Variants in STPG1 observed in about 807,000 individuals in gnomAD.
STPG1 encodes O(6)-methylguanine-induced apoptosis 2.
Under a neutral mutation model 40.1 loss-of-function variants are expected in STPG1, and 33 were observed. The observed-to-expected ratio is 0.82, with a 90% CI of 0.62 to 1.10. STPG1 has a LOEUF of 1.10. Among genes scored for constraint, STPG1 ranks in the 50% least tolerant of loss-of-function variants. The pLI is 0.00. For synonymous variants in STPG1, 150 were observed against 155.0 expected, an observed-to-expected ratio of 0.97 and a Z score of 0.24; for missense variants, 396 against 415.1, an observed-to-expected ratio of 0.95 and a Z score of 0.40.
At chr1:24,388,392 T>C (rs1387986804) in intron 3 of STPG1, among the ~76,000 whole-genome samples, 1 of 152,172 alleles carries the variant, frequency 6.6e-6, no homozygotes, top group African/African-American at 2.4e-5. Flanking sequence ...CATCTGTAAA[T>C]AACTCGAAAA....
intron 2 of STPG1, among the ~76,000 whole-genome samples, chr1:24,394,438 T>C (rs1312565314): frequency 2.0e-5 from 3 of 152,066 alleles, no homozygotes; most frequent in Admixed American, 6.6e-5. Context: ...ATACCTGGCA[T>C]TGATAAAAAA....
At chr1:24,395,533 C>T (rs893981393) in intron 2 of STPG1, among the ~76,000 whole-genome samples, 18 of 150,732 alleles carry the variant, frequency 1.2e-4, no homozygotes, top group Non-Finnish European at 2.4e-4. Context: ...CCCGGGTTCA[C>T]GCCATTCTCC....
chr1:24,388,294 C>T lies in STPG1; in HGVS notation c.189+3267G>A, dbSNP rs566893449. Among the ~76,000 whole-genome samples, 58 of 152,208 alleles carry T rather than the reference C, an allele frequency of 3.8e-4. 1 individual carries two copies. The highest frequency in any genetic ancestry group is 3.4e-3 in the Middle Eastern group (1 of 294). On this transcript the variant is annotated intron_variant, in intron 3 of 8. Coordinates refer to ENST00000337248, the MANE Select transcript of STPG1 (RefSeq NM_001199013.2). ...TGAAGTGGAGACAGAAACAGGGAGG[C>T]GGGGGTAGAAAATGGCCGGCAGGCT...
In STPG1 at chr1:24,360,546, T is replaced by C. The variant is rs189881260; in HGVS notation, c.928+305A>G. 2.4e-4 allele frequency among the ~76,000 whole-genome samples: 37 copies of C among 152,328 alleles called. No individual in the cohort carries two copies. The East Asian group carries it at 3.1e-3, about 13-fold the overall frequency. On this transcript the variant is annotated intron_variant, in intron 8 of 8. Transcript: ENST00000337248. ...CTCCTTTCCCAGAAAATAATGTCTA[T>C]ATGTGCCAATTCTTCAGCCAACTGC...
In STPG1 at chr1:24,363,595, A is replaced by G. The variant is rs1028621197; in HGVS notation, c.738-2554T>C. On this transcript the variant is annotated intron_variant, in intron 7 of 8. Coordinates refer to ENST00000337248, the MANE Select transcript of STPG1 (RefSeq NM_001199013.2). ...TCATCTGTAAAACAGTGGAAATAAT[A>G]CCTACTACCCAGATTGTTAGGAAGA... 3.9e-5 allele frequency among the ~76,000 whole-genome samples: 6 copies of G among 152,300 alleles called. No homozygotes were observed. The East Asian group carries it at 1.2e-3, about 29-fold the overall frequency.
chr1:24,411,153 T>C (rs566298939), intron 1 of STPG1, among the ~76,000 whole-genome samples: 1 of 152,344 alleles, frequency 6.6e-6, no homozygotes, highest in Admixed American at 6.5e-5. Context: ...CTATCATTTA[T>C]TGAGCCTGCA....
intron 6 of STPG1, among the ~76,000 whole-genome samples, chr1:24,371,049 G>A (rs1482994646): frequency 6.6e-6 from 1 of 152,096 alleles, no homozygotes; most frequent in African/African-American, 2.4e-5. Flanking sequence ...TGTGTACAAA[G>A]CTTTAAGGAA....
chr1:24,407,380 A>G (rs1643451923), intron 1 of STPG1, among the ~76,000 whole-genome samples: 1 of 151,242 alleles, frequency 6.6e-6, no homozygotes. Flanking sequence ...CAATATTTTT[A>G]AGTCTCTTTT....
chr1:24,361,858 G>A (rs567761951), intron 7 of STPG1, among the ~76,000 whole-genome samples: 1 of 152,296 alleles, frequency 6.6e-6, no homozygotes, highest in South Asian at 2.1e-4. Context: ...TAAAAGGAAG[G>A]GGTTGGACAA....
intron 3 of STPG1, 53 bp downstream of exon 3, chr1:24,391,508 G>GC: frequency 3.4e-6 from 4 of 1,179,048 alleles, no homozygotes; most frequent in Non-Finnish European, 4.9e-6. Context: ...TGCCTGTCCC[G>GC]CAAGGCTAAA....
chr1:24,408,285 G>C (rs1443156211), intron 1 of STPG1, among the ~76,000 whole-genome samples: 1 of 152,162 alleles, frequency 6.6e-6, no homozygotes, highest in African/African-American at 2.4e-5. Flanking sequence ...TCTGGTTTAT[G>C]GTAACATGCA....
intron 3 of STPG1, among the ~76,000 whole-genome samples, chr1:24,385,679 T>C (rs2244762): frequency 0.36 from 54,514 of 152,016 alleles, 9,926 homozygotes; most frequent in African/African-American, 0.4. Flanking sequence ...AACCGAGGCA[T>C]TCTGACCACA....
chr1:24,391,919 A>G (rs1642790626), intron 2 of STPG1: 1 of 1,242,548 alleles, frequency 8.0e-7, no homozygotes, highest in Non-Finnish European at 1.0e-6. Flanking sequence ...GGTCACATAA[A>G]GTACCTTAAA....
intron 6 of STPG1, 36 bp downstream of exon 6, chr1:24,373,666 C>T: frequency 2.1e-6 from 3 of 1,420,326 alleles, no homozygotes; most frequent in Non-Finnish European, 3.0e-6. Context: ...GGACACTTAA[C>T]CCTTAGGTCA....
intron 1 of STPG1, among the ~76,000 whole-genome samples, chr1:24,405,399 T>C (rs1054806901): frequency 2.0e-5 from 3 of 152,232 alleles, no homozygotes; most frequent in Non-Finnish European, 4.4e-5. Context: ...TTGTAATTTC[T>C]TTTTTACACA....
intron 7 of STPG1, chr1:24,364,135 CT>C: frequency 4.1e-6 from 6 of 1,470,884 alleles, no homozygotes; most frequent in East Asian, 2.6e-5. Context: ...GAAACACCAA[CT>C]TTCCCTGCAA....
At position 24,399,780 on chromosome 1, in the gene STPG1, T is replaced by A. The variant is rs1346919881; in HGVS notation, c.70+1539A>T. Among the ~76,000 whole-genome samples, 2 of 152,028 alleles carry A rather than the reference T, an allele frequency of 1.3e-5. No homozygotes were observed. ...TGGGCAAAAAAGTTGAACAGTCACT[T>A]CTCCAAAGAGAATATCCAAAAGGCC... On this transcript the variant is annotated intron_variant, in intron 2 of 8. Transcript: ENST00000337248. The surrounding 1 kb of genome is among the most constrained non-coding windows in gnomAD (Gnocchi z 4.0).
At chr1:24,396,145 A>C (rs1642989759) in intron 2 of STPG1, among the ~76,000 whole-genome samples, 1 of 152,348 alleles carries the variant, frequency 6.6e-6, no homozygotes, top group African/African-American at 2.4e-5. Context: ...GTGTTATAAT[A>C]TCACTTGATG....
intron 5 of STPG1, among the ~76,000 whole-genome samples, chr1:24,378,496 G>A (rs2148694256): frequency 6.6e-6 from 1 of 152,186 alleles, no homozygotes; most frequent in East Asian, 1.9e-4. Context: ...TTAGCCGGGT[G>A]TGGTGGCGGG....
Sources: allele counts gnomAD v4.1 joint callset (sites outside exome capture counted in the v4.1 genomes callset), GRCh38; gene constraint gnomAD v4.1.1; non-coding constraint Gnocchi (gnomAD v3.1); transcripts MANE v1.5; gene names NCBI Gene and HGNC (gene_info 2026-07-23, HGNC 2026-07-21).